The following KDM3A variants were observed in gnomAD, a reference collection of about 807,000 sequenced individuals.
KDM3A encodes the protein lysine-specific demethylase 3A.
Under a neutral mutation model 158.0 loss-of-function variants are expected in KDM3A, and 60 were observed. The ratio of observed to expected loss-of-function variants is 0.38; its 90% confidence interval spans 0.31 to 0.47. KDM3A has a LOEUF of 0.47. KDM3A is among the 20% of genes least tolerant of loss of function. KDM3A has a pLI of 0.99. For synonymous variants in KDM3A, 608 were observed against 549.3 expected (o/e 1.11, Z -1.49); for missense variants, 1,319 against 1,574.3 (o/e 0.84, Z 2.74).
chr2:86,437,281 G>A (rs1300493953), upstream of KDM3A, among the ~76,000 whole-genome samples: 1 of 151,926 alleles, frequency 6.6e-6, no homozygotes, highest in African/African-American at 2.4e-5. Context: ...CCGAGTAGCT[G>A]GGATTGTGGA....
At chr2:86,454,478 G>T (rs1672603163) in intron 4 of KDM3A, among the ~76,000 whole-genome samples, 1 of 152,166 alleles carries the variant, frequency 6.6e-6, no homozygotes, top group African/African-American at 2.4e-5. Context: ...TTTACAATGT[G>T]TCAAAAGGTT....
upstream of KDM3A, chr2:86,440,862 C>T (rs1338091722): frequency 6.6e-6 from 1 of 152,402 alleles, no homozygotes; most frequent in African/African-American, 2.4e-5. Flanking sequence ...CCTGCCCTCC[C>T]CCGCTAACCC....
At chr2:86,468,582 CTA>C (rs1673261187) in intron 10 of KDM3A, among the ~76,000 whole-genome samples, 1 of 151,990 alleles carries the variant, frequency 6.6e-6, no homozygotes, top group African/African-American at 2.4e-5. Flanking sequence ...GCACATCCTG[CTA>C]TCTACTGTGA....
intron 12 of KDM3A, among the ~76,000 whole-genome samples, chr2:86,477,182 C>T (rs1394957517): frequency 1.3e-5 from 2 of 152,180 alleles, no homozygotes; most frequent in Admixed American, 6.5e-5. Context: ...TTGTGGAATC[C>T]CCGGTCGTGC....
chr2:86,442,895 A>G (rs905973682), intron 2 of KDM3A, among the ~76,000 whole-genome samples: 1 of 152,084 alleles, frequency 6.6e-6, no homozygotes, highest in Admixed American at 6.6e-5. Context: ...GAAATACTGC[A>G]CTTGGACGCA....
chr2:86,464,239 T>C (rs553127897), intron 9 of KDM3A, 23 bp downstream of exon 9: 2 of 1,456,678 alleles, frequency 1.4e-6, no homozygotes, highest in East Asian at 2.5e-5. Flanking sequence ...TTGTTAAAGA[T>C]GTTTAATTAT....
intron 10 of KDM3A, 89 bp from the exon 11 acceptor site, chr2:86,470,115 A>G: frequency 9.7e-7 from 1 of 1,028,448 alleles, no homozygotes. Flanking sequence ...CTTTAAGGGA[A>G]TATTGGGTTT....
At chr2:86,438,193 T>C (rs1433134123), upstream of KDM3A, among the ~76,000 whole-genome samples, 1 of 152,164 alleles carries the variant, frequency 6.6e-6, no homozygotes, top group Non-Finnish European at 1.5e-5. Context: ...GAAAATGAAG[T>C]ATATAAAATT....
At chr2:86,454,778 T>C (rs1161911666) in intron 4 of KDM3A, among the ~76,000 whole-genome samples, 1 of 152,230 alleles carries the variant, frequency 6.6e-6, no homozygotes, top group Non-Finnish European at 1.5e-5. Context: ...GCTGTTTGTT[T>C]GCTTACTTTT....
intron 12 of KDM3A, among the ~76,000 whole-genome samples, chr2:86,476,187 T>A (rs1673651659): frequency 6.6e-6 from 1 of 152,232 alleles, no homozygotes; most frequent in Admixed American, 6.5e-5. Context: ...AGTAGTAGAT[T>A]GAAAGAAAAA....
rs1673163325 is a variant in KDM3A, at chr2:86,466,617, T to C, written c.1253T>C (p.Leu418Ser). The change falls in exon 10 of 26, where the codon TTA becomes TCA. Residue 418 changes from leucine to serine, a missense_variant. Leu to Ser is a moderately radical substitution (Grantham distance 145). Coordinates refer to ENST00000312912, the MANE Select transcript of KDM3A (RefSeq NM_018433.6). ...TTGACTGGCCTTCCTAAGGAGTGCT[T>C]ACCTACAAAGGCTTCTTCTAAGGCA... is the stretch of plus-strand genomic sequence containing the variant. The part of the protein sequence containing the change: ...QALTGLPKEC[L>S]PTKASSKAEL... 4 of 1,613,956 alleles carry C rather than the reference T, an allele frequency of 2.5e-6. No individual in the cohort carries two copies. The highest frequency in any genetic ancestry group is 3.4e-6 in the Non-Finnish European group (4 of 1,179,890).
At position 86,478,081 on chromosome 2, in the gene KDM3A, G is replaced by T. The variant is rs775298327; in HGVS notation, c.2092+52G>T. ...GCCCCTCTACACAGTTAAATCAAGT[G>T]TTTTTGTTGATTTGTGTTTGGCGGG... On this transcript the variant is annotated intron_variant, in intron 13 of 25. Coordinates refer to ENST00000312912, the MANE Select transcript of KDM3A (RefSeq NM_018433.6). 3.7e-6 allele frequency: 6 copies of T among 1,610,570 alleles called. No individual in the cohort carries two copies. The South Asian group carries it at 5.5e-5, about 15-fold the overall frequency.
In KDM3A at chr2:86,466,453, C is replaced by T; in HGVS notation, c.1089C>T (p.Val363=). The change falls in exon 10 of 26, where the codon GTC becomes GTT. Residue 363 remains valine, a synonymous_variant. Coordinates refer to ENST00000312912, the MANE Select transcript of KDM3A (RefSeq NM_018433.6). ...KSEALRTKPD[V]CKAGLLSKSS... The stretch of plus-strand genomic sequence containing the variant: ...AAGCTCTGAGAACAAAACCAGATGT[C>T]TGCAAAGCAGGGTTGCTCTCAAAGT... The T allele has an allele frequency of 1.9e-6, 3 of 1,613,874 alleles. No homozygotes were observed. The highest frequency in any genetic ancestry group is 2.5e-6 in the Non-Finnish European group (3 of 1,179,824).
chr2:86,482,535 T>G lies in KDM3A; in HGVS notation c.2763T>G (p.Ser921=), dbSNP rs757888861. ...CTTTGGTGCAAAATAAGACGACTTC[T>G]GATTTATCTAAGAGGCCTCAAGGAC... ...FASLVQNKTT[S]DLSKRPQGLT... is the part of the protein sequence containing the mutation. Residue 921 remains serine, a synonymous_variant, in exon 18 of 26, where the codon TCT becomes TCG. Coordinates refer to ENST00000312912, the MANE Select transcript of KDM3A (RefSeq NM_018433.6). The G allele has an allele frequency of 6.2e-7, 1 of 1,614,230 alleles. No homozygotes were observed. Among genetic ancestry groups the G allele is most frequent in the East Asian group, 2.2e-5 (1 of 44,888 alleles).
chr2:86,478,745 GCTT>G lies in KDM3A; in HGVS notation c.2316+11_2316+13del, dbSNP rs1299108925. On this transcript the variant is annotated intron_variant, in intron 15 of 25. Coordinates refer to ENST00000312912, the MANE Select transcript of KDM3A (RefSeq NM_018433.6). ...GGAAGACCTAAAACAGGTATTTACT[GCTT>G]ATGTTAAATTCAACATCTCTTGTAA... 3 of 1,610,418 alleles carry G rather than the reference GCTT, an allele frequency of 1.9e-6. No individual in the cohort carries two copies. In the African/African-American group the frequency reaches 4.0e-5, roughly 22 times the overall value.
chr2:86,456,175 G>C (rs1672687450), intron 5 of KDM3A, among the ~76,000 whole-genome samples: 1 of 151,800 alleles, frequency 6.6e-6, no homozygotes, highest in South Asian at 2.1e-4. Flanking sequence ...TGGGGTTCCT[G>C]AATTTGATTC....
intron 2 of KDM3A, among the ~76,000 whole-genome samples, chr2:86,446,429 G>A (rs533881480): frequency 3.3e-5 from 5 of 152,318 alleles, no homozygotes; most frequent in East Asian, 1.9e-4. Flanking sequence ...TAGGCCAGGC[G>A]CAGTGGCTCA....
chr2:86,452,512 A>G (rs975549577), intron 4 of KDM3A, among the ~76,000 whole-genome samples: 1 of 152,086 alleles, frequency 6.6e-6, no homozygotes, highest in Non-Finnish European at 1.5e-5. Flanking sequence ...ATTTTTTTGC[A>G]ACTTGATAAA....
At chr2:86,438,145 C>T (rs575602714), upstream of KDM3A, among the ~76,000 whole-genome samples, 1 of 151,924 alleles carries the variant, frequency 6.6e-6, no homozygotes, top group African/African-American at 2.4e-5. Context: ...ATAAAATTTT[C>T]TTTTCTTGAT....
Sources: gnomAD v4.1 joint callset for allele counts (sites outside exome capture counted in the v4.1 genomes callset) on GRCh38, gnomAD v4.1.1 for gene constraint, MANE v1.5 for transcripts, NCBI Gene and HGNC (gene_info 2026-07-23, HGNC 2026-07-21) for gene names.